The following PCDH15 variants were observed in gnomAD, a reference collection of about 807,000 sequenced individuals.
PCDH15 encodes the protein protocadherin-15.
In PCDH15, 129 loss-of-function variants were observed where a neutral mutation model predicts 178.5. The observed-to-expected ratio is 0.72, with a 90% confidence interval of 0.63 to 0.84. The LOEUF (loss-of-function observed/expected upper bound fraction) is 0.84. Among genes scored for constraint, PCDH15 ranks in the 40% least tolerant of loss-of-function variants. The pLI is 0.00. For missense variants in PCDH15, 2,230 were observed against 2,099.9 expected (o/e 1.06, Z -1.21); for synonymous variants, 800 against 732.0 (o/e 1.09, Z -1.50).
intron 2 of PCDH15, among the ~76,000 whole-genome samples, chr10:54,654,375 T>TG (rs1003766837): frequency 6.7e-6 from 1 of 149,458 alleles, no homozygotes; most frequent in Non-Finnish European, 1.5e-5. Flanking sequence ...CACCAGAAGA[T>TG]GGAGAAGTCT....
intron 1 of PCDH15, among the ~76,000 whole-genome samples, chr10:54,780,654 T>C (rs1028628936): frequency 6.8e-6 from 1 of 147,504 alleles, no homozygotes; most frequent in Non-Finnish European, 1.5e-5. Context: ...GGCCAAAGAG[T>C]AGGGCTCCAC....
intron 3 of PCDH15, among the ~76,000 whole-genome samples, chr10:54,432,032 A>G (rs1381653391): frequency 6.6e-6 from 1 of 152,080 alleles, no homozygotes; most frequent in Non-Finnish European, 1.5e-5. Context: ...GATCTCTAGA[A>G]TGAAAACTAC....
chr10:55,267,045 C>T (rs529443016), intron 1 of PCDH15, among the ~76,000 whole-genome samples: 1 of 151,998 alleles, frequency 6.6e-6, no homozygotes, highest in Non-Finnish European at 1.5e-5. Flanking sequence ...GCTGCACTAC[C>T]ATCGCATGCA....
Position 53,806,549 on chromosome 10 carries a change from A to AATT in PCDH15, c.*27_*29dup. ...ACAGTTTATTAAAAATGTAAGTAAA[A>AATT]ATTAATTAAAATATCTTTTAAAAAA... On this transcript the variant is annotated 3_prime_UTR_variant, in exon 38 of 38. Coordinates refer to ENST00000644397, the MANE Select transcript of PCDH15 (RefSeq NM_001384140.1). The AATT allele has an allele frequency of 6.7e-7, 1 of 1,487,482 alleles. No individual in the cohort carries two copies. The highest frequency in any genetic ancestry group is 9.1e-7 in the Non-Finnish European group (1 of 1,101,898). 92.1% of individuals were successfully genotyped at this position (1,487,482 alleles called of 1,614,324 possible).
Position 55,315,118 on chromosome 10 carries a change from C to T in PCDH15, c.-156+4481G>A, listed in dbSNP as rs1432413822. 2.0e-5 allele frequency among the ~76,000 whole-genome samples: 3 copies of T among 152,088 alleles called. No homozygotes were observed. In the East Asian group the frequency reaches 5.8e-4, roughly 29 times the overall value. Reference sequence around the variant, plus strand: ...TTCTTCTAGTTAATATATATGTGAACATACTTATTTGTCATATACTTACTG... The same window carrying T: ...TTCTTCTAGTTAATATATATGTGAATATACTTATTTGTCATATACTTACTG... On this transcript the variant is annotated intron_variant, in intron 1 of 5. Transcript: ENST00000458638.
intron 25 of PCDH15, among the ~76,000 whole-genome samples, chr10:53,933,081 G>C (rs1394742279): frequency 2.6e-5 from 4 of 152,038 alleles, no homozygotes; most frequent in Admixed American, 1.3e-4. Context: ...GCAGATGCCA[G>C]CACCATGCTT....
intron 2 of PCDH15, among the ~76,000 whole-genome samples, chr10:55,359,430 C>T (rs1845166481): frequency 6.6e-6 from 1 of 151,278 alleles, no homozygotes; most frequent in Admixed American, 6.6e-5. Context: ...TATGTGCTGC[C>T]AAAGCAAGCA....
intron 1 of PCDH15, among the ~76,000 whole-genome samples, chr10:55,272,997 T>A (rs1375437349): frequency 6.6e-6 from 1 of 152,024 alleles, no homozygotes; most frequent in East Asian, 1.9e-4. Context: ...TATGAAACTG[T>A]GAAAAACGAA....
chr10:54,625,718 C>T (rs2093526954), intron 2 of PCDH15, among the ~76,000 whole-genome samples: 1 of 152,096 alleles, frequency 6.6e-6, no homozygotes, highest in African/African-American at 2.4e-5. Flanking sequence ...ATGTCTTTAT[C>T]AGCAGCTTGA....
chr10:55,311,849 C>A (rs769518821), intron 1 of PCDH15, among the ~76,000 whole-genome samples: 3 of 152,068 alleles, frequency 2.0e-5, no homozygotes, highest in Admixed American at 6.5e-5. Flanking sequence ...CTTCCAACAG[C>A]CAAAAAAGGT....
At chr10:54,079,707 AC>A (rs1490354947) in intron 16 of PCDH15, among the ~76,000 whole-genome samples, 1 of 152,200 alleles carries the variant, frequency 6.6e-6, no homozygotes, top group Non-Finnish European at 1.5e-5. Flanking sequence ...TCCAAGAAGA[AC>A]AGTATCTATC....
At chr10:54,135,923 G>T (rs1348765248) in intron 14 of PCDH15, among the ~76,000 whole-genome samples, 1 of 152,090 alleles carries the variant, frequency 6.6e-6, no homozygotes, top group Admixed American at 6.6e-5. Context: ...GTATATGTAA[G>T]TACATGTATA....
intron 2 of PCDH15, among the ~76,000 whole-genome samples, chr10:55,570,082 C>T (rs1336210916): frequency 6.6e-6 from 1 of 151,932 alleles, no homozygotes; most frequent in African/African-American, 2.4e-5. Flanking sequence ...GAGCTTTCAT[C>T]TTAAATTCTT....
intron 2 of PCDH15, among the ~76,000 whole-genome samples, chr10:55,544,884 G>C (rs1841844613): frequency 6.6e-6 from 1 of 152,048 alleles, no homozygotes; most frequent in East Asian, 1.9e-4. Context: ...TTTTATGCAA[G>C]GAATGAGCAA....
At chr10:55,374,589 C>T (rs373984220) in intron 2 of PCDH15, among the ~76,000 whole-genome samples, 1 of 151,954 alleles carries the variant, frequency 6.6e-6, no homozygotes, top group South Asian at 2.1e-4. Context: ...AAAAAAAGTG[C>T]AGCTTTAAAT....
intron 2 of PCDH15, among the ~76,000 whole-genome samples, chr10:55,547,656 T>C (rs1841913912): frequency 6.6e-6 from 1 of 152,136 alleles, no homozygotes; most frequent in Non-Finnish European, 1.5e-5. Context: ...TAGCCTAATT[T>C]TCCTCACTTT....
At chr10:55,082,451 CA>C (rs1564782606) in intron 2 of PCDH15, among the ~76,000 whole-genome samples, 1 of 150,880 alleles carries the variant, frequency 6.6e-6, no homozygotes, top group Non-Finnish European at 1.5e-5. Flanking sequence ...GCAATCACAT[CA>C]AAAAAGCAGA....
At chr10:55,054,990 C>G (rs915908685) in intron 2 of PCDH15, among the ~76,000 whole-genome samples, 1 of 152,138 alleles carries the variant, frequency 6.6e-6, no homozygotes, top group Non-Finnish European at 1.5e-5. Flanking sequence ...TTGAGAGATT[C>G]TTTTGCTTTG....
At chr10:55,044,982 G>T (rs1245751469) in intron 2 of PCDH15, among the ~76,000 whole-genome samples, 2 of 151,944 alleles carry the variant, frequency 1.3e-5, no homozygotes, top group Non-Finnish European at 2.9e-5. Context: ...TCATCACTGG[G>T]CTTACCTGAC....
Sources: allele counts gnomAD v4.1 joint callset (sites outside exome capture counted in the v4.1 genomes callset), GRCh38; gene constraint gnomAD v4.1.1; transcripts MANE v1.5; gene names NCBI Gene and HGNC (gene_info 2026-07-23, HGNC 2026-07-21).